CAMKMT: variants seen among roughly 807,000 people sequenced by gnomAD.
CAMKMT encodes CaM KMT.
CAMKMT carries 53 observed loss-of-function variants against 48.0 expected under a neutral mutation model. The ratio of observed to expected loss-of-function variants is 1.10; its 90% CI spans 0.89 to 1.39. The LOEUF (loss-of-function observed/expected upper bound fraction) is 1.39, where lower values mean the gene tolerates loss of function less well. Among genes scored for constraint, CAMKMT ranks in the 40% most tolerant of loss-of-function variants. CAMKMT has a pLI of 0.00. For missense variants in CAMKMT, 428 were observed against 402.7 expected, an observed-to-expected ratio of 1.06 and a Z score of -0.54; for synonymous variants, 165 against 152.3, an observed-to-expected ratio of 1.08 and a Z score of -0.61.
chr2:44,744,654 C>T (rs1679845302), intron 8 of CAMKMT, among the ~76,000 whole-genome samples: 1 of 152,044 alleles, frequency 6.6e-6, no homozygotes, highest in Non-Finnish European at 1.5e-5. Context: ...AGATCCAGAA[C>T]TCAGGGAAGA....
intron 3 of CAMKMT, among the ~76,000 whole-genome samples, chr2:44,615,634 G>A (rs1261548870): frequency 6.6e-6 from 1 of 152,114 alleles, no homozygotes; most frequent in Non-Finnish European, 1.5e-5. Flanking sequence ...TATTACATTT[G>A]AGGGGCATTG....
chr2:44,470,980 T>TTC lies in CAMKMT; in HGVS notation c.376+80689_376+80690dup, dbSNP rs1303711315. Among the ~76,000 whole-genome samples the TTC allele has an allele frequency of 1.3e-3, 197 of 147,918 alleles. 4 individuals are homozygous for TTC. The highest frequency in any genetic ancestry group is 3.1e-3 in the East Asian group (15 of 4,882). On this transcript the variant is annotated intron_variant, in intron 3 of 10. Transcript: ENST00000378494. ...TGTTTTTCACTATTGTTAATGTTTC[T>TTC]TCTCTCTCTCTCTCTTTTTTTTTTT...
At chr2:44,524,099 G>A (rs1470528944) in intron 3 of CAMKMT, among the ~76,000 whole-genome samples, 1 of 152,102 alleles carries the variant, frequency 6.6e-6, no homozygotes, top group African/African-American at 2.4e-5. Flanking sequence ...ATTCTAAGAA[G>A]ATCAAGTACA....
At chr2:44,502,179 C>T (rs1186562532) in intron 3 of CAMKMT, among the ~76,000 whole-genome samples, 1 of 151,998 alleles carries the variant, frequency 6.6e-6, no homozygotes, top group Non-Finnish European at 1.5e-5. Context: ...CAAGATCGCA[C>T]CACTACACTC....
chr2:44,693,332 G>C (rs189414122), intron 3 of CAMKMT, among the ~76,000 whole-genome samples: 1 of 152,124 alleles, frequency 6.6e-6, no homozygotes, highest in South Asian at 2.1e-4. Context: ...GGGCCTGAGG[G>C]GTCTGGCCCC....
chr2:44,468,914 T>A (rs948692569), intron 3 of CAMKMT, among the ~76,000 whole-genome samples: 10 of 152,170 alleles, frequency 6.6e-5, no homozygotes, highest in South Asian at 2.1e-4. Flanking sequence ...TGTGAGACCC[T>A]GTCTCAAAAA....
chr2:44,522,885 C>G (rs997429781), intron 3 of CAMKMT, among the ~76,000 whole-genome samples: 10 of 152,272 alleles, frequency 6.6e-5, no homozygotes, highest in African/African-American at 2.4e-4. Flanking sequence ...CAGTGTTCCA[C>G]CTGCAGAATT....
intron 3 of CAMKMT, among the ~76,000 whole-genome samples, chr2:44,398,909 T>TA (rs1298994703): frequency 6.6e-6 from 1 of 152,132 alleles, no homozygotes; most frequent in South Asian, 2.1e-4. Context: ...TACTCCATGT[T>TA]AAAAAAAATT....
chr2:44,508,791 G>T (rs983687285), intron 3 of CAMKMT, among the ~76,000 whole-genome samples: 1 of 152,008 alleles, frequency 6.6e-6, no homozygotes, highest in African/African-American at 2.4e-5. Context: ...GATGTAACTT[G>T]TATGTCTTAA....
chr2:44,733,778 C>G, intron 7 of CAMKMT, among the ~76,000 whole-genome samples: 1 of 152,020 alleles, frequency 6.6e-6, no homozygotes, highest in East Asian at 1.9e-4. Context: ...TTCTTATATT[C>G]TTAAGATAAG....
At chr2:44,477,805 T>A (rs1668764123) in intron 3 of CAMKMT, among the ~76,000 whole-genome samples, 1 of 152,202 alleles carries the variant, frequency 6.6e-6, no homozygotes, top group Admixed American at 6.5e-5. Context: ...TAGGCCTAAA[T>A]TCAGGACTAT....
intron 3 of CAMKMT, among the ~76,000 whole-genome samples, chr2:44,553,868 T>G (rs1667858852): frequency 6.6e-6 from 1 of 152,226 alleles, no homozygotes; most frequent in Non-Finnish European, 1.5e-5. Context: ...GAATTTAAAA[T>G]GTATGACATC....
intron 3 of CAMKMT, among the ~76,000 whole-genome samples, chr2:44,432,472 A>G (rs747143703): frequency 2.0e-5 from 3 of 152,160 alleles, no homozygotes; most frequent in Non-Finnish European, 2.9e-5. Flanking sequence ...CTCAGAAGAG[A>G]ATACTGGTGG....
chr2:44,382,711 C>T (rs1043807596), intron 2 of CAMKMT, among the ~76,000 whole-genome samples: 1 of 151,982 alleles, frequency 6.6e-6, no homozygotes, highest in African/African-American at 2.4e-5. Context: ...GATCTCCTGA[C>T]CTGGTGATCC....
At chr2:44,613,267 A>G (rs1469434536) in intron 3 of CAMKMT, among the ~76,000 whole-genome samples, 1 of 152,236 alleles carries the variant, frequency 6.6e-6, no homozygotes, top group Non-Finnish European at 1.5e-5. Context: ...AGTTGTTAAA[A>G]TACTGAAATA....
intron 1 of CAMKMT, among the ~76,000 whole-genome samples, chr2:44,369,478 T>C (rs1314154654): frequency 6.6e-6 from 1 of 152,098 alleles, no homozygotes; most frequent in Non-Finnish European, 1.5e-5. Flanking sequence ...TTTAGCATAG[T>C]GAATTAAGTG....
At chr2:44,564,316 A>G (rs1668493682) in intron 3 of CAMKMT, among the ~76,000 whole-genome samples, 1 of 150,778 alleles carries the variant, frequency 6.6e-6, no homozygotes, top group African/African-American at 2.4e-5. Flanking sequence ...GCTGGATTAC[A>G]GGAGCGCGCC....
chr2:44,641,061 C>T (rs1480008011), intron 3 of CAMKMT, among the ~76,000 whole-genome samples: 2 of 152,162 alleles, frequency 1.3e-5, no homozygotes, highest in Non-Finnish European at 2.9e-5. Flanking sequence ...TTCAAACACA[C>T]AGAGTGATTT....
At chr2:44,462,269 A>G (rs892149873) in intron 3 of CAMKMT, among the ~76,000 whole-genome samples, 4 of 152,202 alleles carry the variant, frequency 2.6e-5, no homozygotes, top group Non-Finnish European at 5.9e-5. Context: ...AAAATAATTT[A>G]TGTTATCACT....
Sources: allele counts gnomAD v4.1 joint callset (sites outside exome capture counted in the v4.1 genomes callset), GRCh38; gene constraint gnomAD v4.1.1; transcripts MANE v1.5; gene names NCBI Gene and HGNC (gene_info 2026-07-23, HGNC 2026-07-21).